POLN: variants seen among roughly 807,000 people sequenced by gnomAD.
The protein encoded by POLN is DNA polymerase N.
In POLN, 108 loss-of-function variants were observed where a neutral mutation model predicts 113.5. The ratio of observed to expected loss-of-function variants is 0.95; its 90% CI spans 0.81 to 1.12. The LOEUF (loss-of-function observed/expected upper bound fraction) is 1.12. POLN is among the 50% of genes most tolerant of loss of function. The pLI, the probability that POLN is intolerant of heterozygous loss-of-function variation, is 0.00. For missense variants in POLN, 1,097 were observed against 1,077.1 expected (o/e 1.02, Z -0.26); for synonymous variants, 386 against 391.5 (o/e 0.99, Z 0.17).
At chr4:2,224,980 TATG>T (rs1734347535) in intron 3 of POLN, among the ~76,000 whole-genome samples, 1 of 152,048 alleles carries the variant, frequency 6.6e-6, no homozygotes, top group African/African-American at 2.4e-5. Flanking sequence ...TGCATTGTGC[TATG>T]ATAACAGTAC....
chr4:2,146,066 T>C (rs1474471695), intron 16 of POLN, among the ~76,000 whole-genome samples: 1 of 151,684 alleles, frequency 6.6e-6, no homozygotes, highest in African/African-American at 2.4e-5. Context: ...CAATCTATCA[T>C]TTAAGGAAAT....
intron 19 of POLN, among the ~76,000 whole-genome samples, chr4:2,124,134 C>T (rs1389205793): frequency 3.3e-5 from 5 of 152,028 alleles, no homozygotes; most frequent in Non-Finnish European, 7.4e-5. Flanking sequence ...GTGAAGTGTC[C>T]AGAATAGGTA....
intron 16 of POLN, chr4:2,156,540 C>T (rs1322227329): frequency 1.9e-6 from 1 of 532,664 alleles, no homozygotes; most frequent in Admixed American, 2.8e-5. Context: ...TTTTTGCCTG[C>T]ACACTGGAGT....
chr4:2,213,177 TCTA>T, intron 3 of POLN, 51 bp from the exon 4 acceptor site: 1 of 1,185,286 alleles, frequency 8.4e-7, no homozygotes, highest in Admixed American at 2.1e-5. Context: ...AACATTGATA[TCTA>T]AGTCACACAG....
intron 25 of POLN, 86 bp from the exon 26 acceptor site, chr4:2,072,385 T>A: frequency 8.5e-7 from 1 of 1,169,624 alleles, no homozygotes; most frequent in Non-Finnish European, 1.2e-6. Context: ...GGACAGGGCC[T>A]ACAGCACACA....
intron 15 of POLN, 41 bp downstream of exon 15, chr4:2,157,817 C>A: frequency 1.4e-6 from 2 of 1,426,498 alleles, no homozygotes; most frequent in Non-Finnish European, 9.7e-7. Context: ...CATACAAAAA[C>A]CACAGTCCTA....
chr4:2,168,061 C>T (rs1732771600), intron 13 of POLN, among the ~76,000 whole-genome samples: 1 of 152,140 alleles, frequency 6.6e-6, no homozygotes, highest in African/African-American at 2.4e-5. Context: ...AATAATACGT[C>T]TCAAAACTTG....
intron 16 of POLN, among the ~76,000 whole-genome samples, chr4:2,145,909 C>G (rs1732126625): frequency 6.6e-6 from 1 of 152,030 alleles, no homozygotes; most frequent in Admixed American, 6.5e-5. Context: ...TGTACAATGA[C>G]ATACTATATA....
chr4:2,201,009 T>C (rs1000892518), intron 5 of POLN, among the ~76,000 whole-genome samples: 7 of 152,024 alleles, frequency 4.6e-5, no homozygotes, highest in African/African-American at 1.4e-4. Flanking sequence ...GGCTCACGCC[T>C]GTAATCCCAG....
chr4:2,157,683 A>G (rs1732468359), intron 15 of POLN, among the ~76,000 whole-genome samples, 175 bp downstream of exon 15: 1 of 144,114 alleles, frequency 6.9e-6, no homozygotes, highest in African/African-American at 2.5e-5. Flanking sequence ...AGATCCTGAC[A>G]CTGCACTCCA....
At chr4:2,225,630 AAAAC>A (rs985104385) in intron 3 of POLN, among the ~76,000 whole-genome samples, 8 of 152,002 alleles carry the variant, frequency 5.3e-5, no homozygotes, top group South Asian at 2.1e-4. Flanking sequence ...TCTAAAAAAA[AAAAC>A]AAACACTTTT....
At chr4:2,236,591 G>A (rs1734775961) in intron 2 of POLN, 1 of 646,172 alleles carries the variant, frequency 1.5e-6, no homozygotes, top group Admixed American at 2.7e-5. Context: ...GGGTACAGTA[G>A]CTCACGCCTG....
At chr4:2,094,154 C>A (rs532588693) in intron 20 of POLN, among the ~76,000 whole-genome samples, 2 of 151,978 alleles carry the variant, frequency 1.3e-5, no homozygotes, top group Non-Finnish European at 2.9e-5. Context: ...CAAGACCAGC[C>A]TGGCCAACAT....
chr4:2,105,815 G>GATT (rs1187471648), intron 19 of POLN, among the ~76,000 whole-genome samples: 2 of 146,194 alleles, frequency 1.4e-5, no homozygotes, highest in Non-Finnish European at 3.0e-5. Flanking sequence ...TGATGATGAT[G>GATT]ATGATGATGA....
chr4:2,101,171 A>G (rs1730913937), intron 19 of POLN, among the ~76,000 whole-genome samples: 1 of 152,240 alleles, frequency 6.6e-6, no homozygotes, highest in Admixed American at 6.5e-5. Context: ...CAAAACTGAA[A>G]TAAGGCTAAA....
rs143159069 is a variant in POLN, at chr4:2,139,271, G to T, written c.1732-7981C>A. Among the ~76,000 whole-genome samples the T allele has an allele frequency of 3.8e-3, 572 of 152,354 alleles. 4 individuals carry two copies. Among genetic ancestry groups the T allele is most frequent in the African/African-American group, 0.013 (543 of 41,588 alleles). On this transcript the variant is annotated intron_variant, in intron 16 of 25. Coordinates refer to ENST00000511885, the MANE Select transcript of POLN (RefSeq NM_181808.4). The stretch of plus-strand genomic sequence containing the variant: ...TGCCAAGCAGGGCTGGCCGGAGCTT[G>T]GGGCCCGCAGCTCCCCTGGGGTCAG...
chr4:2,159,177 T>G lies in POLN; in HGVS notation c.1589A>C (p.Lys530Thr), dbSNP rs771062243. The change falls in exon 14 of 26, where the codon AAG (lysine) becomes ACG (threonine). Residue 530 changes from lysine (K) to threonine (T), a missense_variant. Physicochemically the swap from Lys to Thr is moderately conservative, Grantham distance 78. Coordinates refer to ENST00000511885, the MANE Select transcript of POLN (RefSeq NM_181808.4). ...TACCTGCCTGTATTCCAAAATTATC[T>G]TGGGTAATGGATGAAGGTCTCGCAG... ...NALRDLHPLP[K>T]IILEYRQVHK... 60 of 1,608,880 alleles carry G rather than the reference T, an allele frequency of 3.7e-5. 1 individual carries two copies. In the East Asian group the frequency reaches 4.0e-4, roughly 11 times the overall value.
At chr4:2,222,154 AT>A (rs939177655) in intron 3 of POLN, among the ~76,000 whole-genome samples, 27 of 150,408 alleles carry the variant, frequency 1.8e-4, no homozygotes, top group African/African-American at 5.6e-4. Context: ...GATACTCAAG[AT>A]TTTTTTTTTC....
chr4:2,228,956 A>C, intron 3 of POLN, 143 bp downstream of exon 3: 2 of 657,950 alleles, frequency 3.0e-6, no homozygotes, highest in Admixed American at 6.2e-5. Flanking sequence ...AGCAAGCAGA[A>C]GCTCAGTCTG....
Sources: gnomAD v4.1 joint callset for allele counts (sites outside exome capture counted in the v4.1 genomes callset) on GRCh38, gnomAD v4.1.1 for gene constraint, MANE v1.5 for transcripts, NCBI Gene and HGNC (gene_info 2026-07-23, HGNC 2026-07-21) for gene names.